The following IQCM variants were observed in gnomAD, a reference collection of about 807,000 sequenced individuals.
The protein encoded by IQCM is IQ motif containing M.
IQCM carries 45 observed loss-of-function variants against 57.6 expected under a neutral mutation model. The observed-to-expected ratio is 0.78, with a 90% confidence interval of 0.62 to 1.00. IQCM has a LOEUF of 1.00. IQCM is among the 50% of genes least tolerant of loss of function. IQCM has a pLI of 0.00. For missense variants in IQCM, 468 were observed against 511.6 expected, an observed-to-expected ratio of 0.91 and a Z score of 0.82; for synonymous variants, 148 against 158.9, an observed-to-expected ratio of 0.93 and a Z score of 0.51.
chr4:149,494,442 T>C (rs1164704846), intron 12 of IQCM, among the ~76,000 whole-genome samples: 1 of 152,110 alleles, frequency 6.6e-6, no homozygotes, highest in Non-Finnish European at 1.5e-5. Flanking sequence ...AATGAGATTG[T>C]ACTTTTAATG....
intron 8 of IQCM, among the ~76,000 whole-genome samples, chr4:149,606,143 G>C (rs1754756689): frequency 6.6e-6 from 1 of 152,106 alleles, no homozygotes; most frequent in Admixed American, 6.5e-5. Context: ...TTCTGTGCTG[G>C]TTTGCAAGGC....
At chr4:149,723,566 T>C (rs1219258983) in intron 5 of IQCM, among the ~76,000 whole-genome samples, 1 of 152,098 alleles carries the variant, frequency 6.6e-6, no homozygotes, top group Non-Finnish European at 1.5e-5. Context: ...TGTTTTTAAG[T>C]CTGTTTATGT....
intron 5 of IQCM, among the ~76,000 whole-genome samples, chr4:149,687,227 G>A (rs543474328): frequency 1.9e-4 from 29 of 151,574 alleles, no homozygotes; most frequent in African/African-American, 6.0e-4. Flanking sequence ...AAAGAAGAGC[G>A]TATTAGACTG....
intron 13 of IQCM, among the ~76,000 whole-genome samples, chr4:149,408,063 T>C (rs1733109033): frequency 6.6e-6 from 1 of 152,158 alleles, no homozygotes; most frequent in African/African-American, 2.4e-5. Flanking sequence ...GTGGTTCTTA[T>C]TTGCATTTCT....
chr4:149,533,434 A>T (rs754124006), intron 12 of IQCM, among the ~76,000 whole-genome samples: 1 of 152,144 alleles, frequency 6.6e-6, no homozygotes, highest in Admixed American at 6.6e-5. Context: ...CTTTATAGAG[A>T]ATTTTTAAAA....
rs534018024 is a variant in IQCM at position 149,563,942 on chromosome 4, CACAA to C, written c.750-56_750-53del. 342 of 865,348 alleles carry C rather than the reference CACAA, an allele frequency of 4.0e-4. 2 individuals are homozygous for C. In the African/African-American group the frequency reaches 5.2e-3, roughly 13 times the overall value. The allele number at this position is 865,348 out of a possible 1,614,324, so 53.6% of individuals were successfully genotyped here. ...TACATAATATGAAAAATTAACCTTCCACAAACAGTTTTAAATTATTTCAATGATG... is the reference window on the plus strand; with the variant it reads ...TACATAATATGAAAAATTAACCTTCCACAGTTTTAAATTATTTCAATGATG... On this transcript the variant is annotated intron_variant, in intron 9 of 13. Coordinates refer to ENST00000636793, the MANE Select transcript of IQCM (RefSeq NM_001363507.2).
intron 2 of IQCM, among the ~76,000 whole-genome samples, chr4:149,783,672 G>T (rs562711320): frequency 6.6e-6 from 1 of 152,228 alleles, no homozygotes; most frequent in Admixed American, 6.5e-5. Context: ...ATAGAAGATG[G>T]CAAGACTAGT....
chr4:149,751,232 G>A (rs1002631410), intron 2 of IQCM, among the ~76,000 whole-genome samples: 5 of 152,182 alleles, frequency 3.3e-5, no homozygotes, highest in Admixed American at 3.3e-4. Context: ...TCCTGATGAA[G>A]CAAGAATCCC....
rs146869768 is a variant in IQCM, at chr4:149,767,946, G to A, written c.-48-25207C>T. ...AATACACTAAGAATATCTGTTTTAT[G>A]GTTTACAGTATTTACTATTTTTAAC... On this transcript the variant is annotated intron_variant, in intron 2 of 13. Coordinates refer to ENST00000636793, the MANE Select transcript of IQCM (RefSeq NM_001363507.2). Among the ~76,000 whole-genome samples, 646 of 152,016 alleles carry A rather than the reference G, an allele frequency of 4.2e-3. 7 individuals are homozygous for A. The highest frequency in any genetic ancestry group is 0.014 in the African/African-American group (569 of 41,470).
intron 12 of IQCM, among the ~76,000 whole-genome samples, chr4:149,457,174 G>A (rs183931216): frequency 6.6e-6 from 1 of 152,064 alleles, no homozygotes; most frequent in East Asian, 1.9e-4. Flanking sequence ...TATCTCACTT[G>A]CTTATAACTA....
chr4:149,447,604 A>G (rs1240862994), intron 12 of IQCM, among the ~76,000 whole-genome samples: 1 of 151,524 alleles, frequency 6.6e-6, no homozygotes. Context: ...TGAAACAGGG[A>G]AAAAAGACTA....
chr4:149,417,558 G>C (rs1733831437), intron 13 of IQCM, among the ~76,000 whole-genome samples: 1 of 152,034 alleles, frequency 6.6e-6, no homozygotes, highest in South Asian at 2.1e-4. Flanking sequence ...CTTCTAATGT[G>C]ACTAAATTAG....
rs73857733 is a variant in IQCM, at chr4:149,738,978, C to T, written c.38-3520G>A. Among the ~76,000 whole-genome samples, 1,369 of 152,252 alleles carry T rather than the reference C, an allele frequency of 9.0e-3. 10 individuals carry two copies. The highest frequency in any genetic ancestry group is 0.031 in the African/African-American group (1,268 of 41,546). ...CTAAAAATTACAAGAAATCAAACAA[C>T]ATTTTTATTAAAGCTCCATCTAGTC... On this transcript the variant is annotated intron_variant, in intron 3 of 13. Coordinates refer to ENST00000636793, the MANE Select transcript of IQCM (RefSeq NM_001363507.2).
At chr4:149,796,640 C>T (rs560402544) in intron 2 of IQCM, among the ~76,000 whole-genome samples, 2 of 152,218 alleles carry the variant, frequency 1.3e-5, no homozygotes, top group African/African-American at 4.8e-5. Context: ...AGGTTTTACA[C>T]AGTGCAGTCA....
At chr4:149,391,560 T>G (rs1731858393) in intron 13 of IQCM, among the ~76,000 whole-genome samples, 1 of 151,932 alleles carries the variant, frequency 6.6e-6, no homozygotes. Context: ...GCTCTTCTAC[T>G]TCTGGATTCA....
chr4:149,660,530 C>T (rs997764020), intron 7 of IQCM, among the ~76,000 whole-genome samples: 2 of 152,170 alleles, frequency 1.3e-5, no homozygotes, highest in African/African-American at 4.8e-5. Context: ...GACACATGCA[C>T]ATGTATGTTT....
chr4:149,447,244 A>G (rs765233105), intron 12 of IQCM, among the ~76,000 whole-genome samples: 10 of 151,592 alleles, frequency 6.6e-5, no homozygotes, highest in Non-Finnish European at 1.3e-4. Flanking sequence ...CACAAACAGC[A>G]AATACCAGTA....
In IQCM at chr4:149,742,940, A is replaced by G. The variant is rs17026409; in HGVS notation, c.-48-201T>C. ...GGTAGGGCTCTGCAGTTTATCGAGT[A>G]CTCATATACACATTGCCTTACTGGG... On this transcript the variant is annotated intron_variant, in intron 2 of 13. Transcript: ENST00000636793. 9.0e-3 allele frequency among the ~76,000 whole-genome samples: 1,367 copies of G among 152,256 alleles called. 10 individuals are homozygous for G. The highest frequency in any genetic ancestry group is 0.03 in the African/African-American group (1,266 of 41,546).
chr4:149,770,728 A>T (rs1408028279), intron 2 of IQCM, among the ~76,000 whole-genome samples: 1 of 152,082 alleles, frequency 6.6e-6, no homozygotes, highest in Non-Finnish European at 1.5e-5. Context: ...TTCAATATTC[A>T]TTCTTCATTT....
Sources: allele counts gnomAD v4.1 joint callset (sites outside exome capture counted in the v4.1 genomes callset), GRCh38; gene constraint gnomAD v4.1.1; transcripts MANE v1.5; gene names NCBI Gene and HGNC (gene_info 2026-07-23, HGNC 2026-07-21).